ADAMTS16: variants seen among roughly 807,000 people sequenced by gnomAD.
ADAMTS16 encodes the protein A disintegrin and metalloproteinase with thrombospondin motifs 16.
A neutral mutation model predicts 145.8 loss-of-function variants in ADAMTS16; 94 were observed. The ratio of observed to expected loss-of-function variants is 0.64; its 90% CI spans 0.55 to 0.77. ADAMTS16 has a LOEUF of 0.77. Ranked by LOEUF, ADAMTS16 falls within the 30% of genes least tolerant of loss-of-function variation. The probability of loss-of-function intolerance (pLI) is 0.00; values close to 1 mark genes in which losing one functional copy is unlikely to be tolerated. For synonymous variants in ADAMTS16, 659 were observed against 604.3 expected (o/e 1.09, Z -1.33); for missense variants, 1,585 against 1,591.5 (o/e 1.00, Z 0.07).
At chr5:5,165,635 T>G (rs1734855053) in intron 3 of ADAMTS16, among the ~76,000 whole-genome samples, 1 of 152,102 alleles carries the variant, frequency 6.6e-6, no homozygotes, top group Admixed American at 6.5e-5. Context: ...GTACCACTAG[T>G]GTCAGAATTA....
intron 5 of ADAMTS16, 142 bp downstream of exon 5, chr5:5,186,393 G>C (rs954221831): frequency 1.2e-6 from 1 of 800,294 alleles, no homozygotes; most frequent in Admixed American, 2.5e-5. Flanking sequence ...TATTTTATTG[G>C]TGATAACTCA....
chr5:5,284,839 T>A (rs907096340), intron 18 of ADAMTS16, among the ~76,000 whole-genome samples: 1 of 152,204 alleles, frequency 6.6e-6, no homozygotes, highest in African/African-American at 2.4e-5. Flanking sequence ...CCATGTGAGG[T>A]TTCTTTTTTC....
intron 4 of ADAMTS16, 96 bp downstream of exon 4, chr5:5,182,401 C>T: frequency 1.8e-5 from 26 of 1,477,830 alleles, no homozygotes; most frequent in South Asian, 2.7e-5. Context: ...TGTCTGCCCA[C>T]GGGGTGAAAT....
At chr5:5,297,408 A>G (rs567200362) in intron 18 of ADAMTS16, among the ~76,000 whole-genome samples, 2 of 152,204 alleles carry the variant, frequency 1.3e-5, no homozygotes, top group East Asian at 1.9e-4. Context: ...GCTGTTGCCA[A>G]TTAGAGTTGA....
intron 4 of ADAMTS16, among the ~76,000 whole-genome samples, chr5:5,184,192 G>C (rs945899393): frequency 2.0e-5 from 3 of 151,982 alleles, no homozygotes; most frequent in African/African-American, 4.8e-5. Context: ...CCAGGTCCTC[G>C]TGTCACCTGT....
chr5:5,305,307 T>TCCCACACCACACACACACACAC (rs1740061140), intron 20 of ADAMTS16, among the ~76,000 whole-genome samples: 3 of 16,120 alleles, frequency 1.9e-4, no homozygotes, highest in African/African-American at 4.6e-4. Flanking sequence ...CACACACACA[T>TCCCACACCACACACACACACAC]CCCACACCAC....
At chr5:5,221,002 C>A (rs575442536) in intron 10 of ADAMTS16, among the ~76,000 whole-genome samples, 1 of 152,108 alleles carries the variant, frequency 6.6e-6, no homozygotes, top group African/African-American at 2.4e-5. Flanking sequence ...TACGCCCCAT[C>A]GGTCCAGGAG....
intron 21 of ADAMTS16, among the ~76,000 whole-genome samples, chr5:5,309,323 T>C (rs1740318758): frequency 6.6e-6 from 1 of 152,186 alleles, no homozygotes; most frequent in African/African-American, 2.4e-5. Flanking sequence ...TTTTGGAATT[T>C]TGTGAAATTT....
chr5:5,173,148 T>C (rs1393201255), intron 3 of ADAMTS16, among the ~76,000 whole-genome samples: 2 of 151,230 alleles, frequency 1.3e-5, no homozygotes, highest in Non-Finnish European at 2.9e-5. Context: ...ATAGGTGAAA[T>C]TACTTGTAGG....
chr5:5,290,516 G>A (rs1021011105), intron 18 of ADAMTS16, among the ~76,000 whole-genome samples: 1 of 152,146 alleles, frequency 6.6e-6, no homozygotes, highest in Non-Finnish European at 1.5e-5. Flanking sequence ...TTAGCTGGAC[G>A]TGGTGGTGCA....
rs777559676 is a variant in ADAMTS16, at chr5:5,303,564, C to A, written c.2992-8C>A. On this transcript the variant is annotated splice_polypyrimidine_tract_variant and splice_region_variant and intron_variant, in intron 19 of 22. Transcript: ENST00000274181. ...TCACTGGGTGCTTATCCTGACTGTTCTGTGCAGTGCTCACACACCTGTGGG... is the reference window on the plus strand; with the variant it reads ...TCACTGGGTGCTTATCCTGACTGTTATGTGCAGTGCTCACACACCTGTGGG... 1.9e-6 allele frequency: 3 copies of A among 1,613,884 alleles called. No homozygotes were observed. The Admixed American group carries it at 5.0e-5, about 27-fold the overall frequency.
At chr5:5,293,435 C>T (rs55950220) in intron 18 of ADAMTS16, among the ~76,000 whole-genome samples, 1 of 152,182 alleles carries the variant, frequency 6.6e-6, no homozygotes, top group Non-Finnish European at 1.5e-5. Context: ...CTCTCATTCC[C>T]TTAAAAGATG....
At chr5:5,221,195 G>C (rs1363229913) in intron 10 of ADAMTS16, among the ~76,000 whole-genome samples, 1 of 152,100 alleles carries the variant, frequency 6.6e-6, no homozygotes, top group East Asian at 1.9e-4. Flanking sequence ...CCAGTTGTCT[G>C]TTTGGAGAAT....
At chr5:5,301,094 C>T (rs1420405462) in intron 18 of ADAMTS16, among the ~76,000 whole-genome samples, 2 of 152,086 alleles carry the variant, frequency 1.3e-5, no homozygotes, top group East Asian at 3.9e-4. Context: ...TTTTTTGAGA[C>T]AGAGTCCCGC....
At position 5,276,675 on chromosome 5, in the gene ADAMTS16, G is replaced by A. The variant is rs116696984; in HGVS notation, c.2789+13892G>A. Among the ~76,000 whole-genome samples, 344 of 152,224 alleles carry A rather than the reference G, an allele frequency of 2.3e-3. 3 individuals are homozygous for A. Among genetic ancestry groups the A allele is most frequent in the African/African-American group, 7.8e-3 (326 of 41,548 alleles). On this transcript the variant is annotated intron_variant, in intron 18 of 22. Transcript: ENST00000274181. ...CAGTCTCTGGGGAGGCTGGGCCAGCGAGCAGGAGAGAAGGCATCGCTGATT... is the reference window on the plus strand; with the variant it reads ...CAGTCTCTGGGGAGGCTGGGCCAGCAAGCAGGAGAGAAGGCATCGCTGATT...
intron 3 of ADAMTS16, among the ~76,000 whole-genome samples, chr5:5,179,541 A>C (rs1458663835): frequency 6.6e-6 from 1 of 152,232 alleles, no homozygotes; most frequent in East Asian, 1.9e-4. Flanking sequence ...AAAATACAAA[A>C]AGGTTGAAAG....
intron 11 of ADAMTS16, among the ~76,000 whole-genome samples, chr5:5,224,524 C>G (rs1736700163): frequency 2.6e-5 from 4 of 152,220 alleles, no homozygotes; most frequent in Admixed American, 2.0e-4. Context: ...CCCTTGACCT[C>G]GTGATCCACC....
rs73023577 is a variant in ADAMTS16 at position 5,304,401 on chromosome 5, T to C, written c.3186+635T>C. On this transcript the variant is annotated intron_variant, in intron 20 of 22. Coordinates refer to ENST00000274181, the MANE Select transcript of ADAMTS16 (RefSeq NM_139056.4). ...GTTTCATGACCAGCTTTGGACCAAGTGGTTCCAAAAGCACTTTGGAAATCT... is the reference window on the plus strand; with the variant it reads ...GTTTCATGACCAGCTTTGGACCAAGCGGTTCCAAAAGCACTTTGGAAATCT... Among the ~76,000 whole-genome samples, 1,125 of 147,760 alleles carry C rather than the reference T, an allele frequency of 7.6e-3. 17 individuals carry two copies. Among genetic ancestry groups the C allele is most frequent in the African/African-American group, 0.026 (1,056 of 41,270 alleles).
intron 10 of ADAMTS16, among the ~76,000 whole-genome samples, chr5:5,218,691 T>C (rs190834390): frequency 2.7e-4 from 41 of 152,224 alleles, no homozygotes; most frequent in Non-Finnish European, 5.4e-4. Context: ...GAGGTTTTAT[T>C]GAGTAGTGGA....
Sources: gnomAD v4.1 joint callset for allele counts (sites outside exome capture counted in the v4.1 genomes callset) on GRCh38, gnomAD v4.1.1 for gene constraint, MANE v1.5 for transcripts, NCBI Gene and HGNC (gene_info 2026-07-23, HGNC 2026-07-21) for gene names.